Variants in ITPR3 observed in about 807,000 individuals in gnomAD.
The protein encoded by ITPR3 is inositol 1,4,5-trisphosphate receptor type 3, also known as inositol 1,4,5-trisphosphate-gated calcium channel ITPR3.
ITPR3 carries 173 observed loss-of-function variants against 293.2 expected under a neutral mutation model. That is an observed-to-expected ratio of 0.59 (90% CI 0.52 to 0.67). The LOEUF is 0.67. ITPR3 is among the 30% of genes least tolerant of loss of function. The probability of loss-of-function intolerance (pLI) is 0.00; values close to 1 mark genes in which losing one functional copy is unlikely to be tolerated. For missense variants in ITPR3, 2,796 were observed against 3,592.1 expected, an observed-to-expected ratio of 0.78 and a Z score of 5.66; for synonymous variants, 1,295 against 1,444.4, an observed-to-expected ratio of 0.90 and a Z score of 2.35.
In ITPR3 at chr6:33,657,995, G is replaced by A. The variant is rs768293062; in HGVS notation, c.346G>A (p.Val116Met). The A allele has an allele frequency of 1.9e-6, 3 of 1,613,660 alleles. No individual in the cohort carries two copies. The highest frequency in any genetic ancestry group is 2.5e-6 in the Non-Finnish European group (3 of 1,179,714). Residue 116 changes from valine (V) to methionine (M), a missense_variant, in exon 4 of 58, where the codon GTG becomes ATG. By Grantham distance (21) the Val-to-Met change is conservative. This residue lies in a region of ITPR3 where 144 missense variants were observed against 230.8 expected (regional missense o/e 0.62). Coordinates refer to ENST00000605930, the MANE Select transcript of ITPR3 (RefSeq NM_002224.4). ...TENKKVHGDV[V>M]KYGSVIQLLH... The stretch of plus-strand genomic sequence containing the variant: ...GAACAAGAAGGTGCATGGGGATGTC[G>A]TGAAGTATGGCAGTGTGATCCAGGT...
chr6:33,655,660 G>C lies in ITPR3; in HGVS notation c.161-106G>C. The C allele has an allele frequency of 6.9e-7, 1 of 1,448,904 alleles. No homozygotes were observed. Among genetic ancestry groups the C allele is most frequent in the Non-Finnish European group, 9.4e-7 (1 of 1,058,278 alleles). 89.8% of individuals were successfully genotyped at this position (1,448,904 alleles called of 1,614,324 possible). Reference sequence around the variant, plus strand: ...TCTCTACCTGCAGCGGGGAACGGGGGTGGGGAAGGGTTGGGAGAGAAGAGC... The same window carrying C: ...TCTCTACCTGCAGCGGGGAACGGGGCTGGGGAAGGGTTGGGAGAGAAGAGC... On this transcript the variant is annotated intron_variant, in intron 2 of 57. Coordinates refer to ENST00000605930, the MANE Select transcript of ITPR3 (RefSeq NM_002224.4). The surrounding 1 kb of genome is among the most constrained non-coding windows in gnomAD (Gnocchi z 4.9).
rs764524110 is a variant in ITPR3, at chr6:33,659,089, C to T, written c.597C>T (p.Tyr199=). 3.7e-6 allele frequency: 6 copies of T among 1,613,958 alleles called. No homozygotes were observed. In the African/African-American group the frequency reaches 4.0e-5, roughly 11 times the overall value. ...GGCAGCCTCTGCATGCCAGCAATTA[C>T]GAGCTCAGCGACAACGCCGGCTGCA... ...NAGQPLHASN[Y]ELSDNAGCKE... The change falls in exon 6 of 58, where the codon TAC becomes TAT. Residue 199 remains tyrosine, a synonymous_variant. Coordinates refer to ENST00000605930, the MANE Select transcript of ITPR3 (RefSeq NM_002224.4).
At position 33,691,378 on chromosome 6, in the gene ITPR3, C is replaced by A. The variant is rs1411952916; in HGVS notation, c.7226-237C>A. On this transcript the variant is annotated intron_variant, in intron 52 of 57. Coordinates refer to ENST00000605930, the MANE Select transcript of ITPR3 (RefSeq NM_002224.4). The surrounding 1 kb of genome is among the most constrained non-coding windows in gnomAD (Gnocchi z 4.9). ...CTTGAACTGTCATTCATGTTAAACC[C>A]AGTATTTGCAGAAACTGCCCGTGTG... Among the ~76,000 whole-genome samples, 1 of 152,182 alleles carries A rather than the reference C, an allele frequency of 6.6e-6. No homozygotes were observed. The highest frequency in any genetic ancestry group is 1.5e-5 in the Non-Finnish European group (1 of 68,028).
Position 33,671,322 on chromosome 6 carries a change from G to C in ITPR3, c.2728+16G>C. 2 of 1,596,368 alleles carry C rather than the reference G, an allele frequency of 1.3e-6. No homozygotes were observed. The highest frequency in any genetic ancestry group is 2.2e-5 in the South Asian group (2 of 90,080). ...GACCCCGGTGGTGAGGCCTTTGCCC[G>C]GCTCGGGCCACCCTGGTGGTCCTCA... On this transcript the variant is annotated intron_variant, in intron 21 of 57. Transcript: ENST00000605930.
Position 33,662,582 on chromosome 6 carries a change from G to A in ITPR3, c.766G>A (p.Glu256Lys), listed in dbSNP as rs755288104. Reference protein sequence around the residue: ...AEQEKFLTCDEYKGKLQVFLR... With the variant: ...AEQEKFLTCDKYKGKLQVFLR... ...GCAGGAGAAGTTCCTGACGTGTGAC[G>A]AGTACAAGGGCAAGCTGCAGGTGTT... The change falls in exon 8 of 58, where the codon GAG becomes AAG. Residue 256 changes from glutamate (E) to lysine (K), a missense_variant. Physicochemically the swap from Glu to Lys is moderately conservative, Grantham distance 56 (BLOSUM62 1). Around this residue, in one of 8 missense-constraint regions of ITPR3, gnomAD observed 955 missense variants for 1,180.8 expected, o/e 0.81. Coordinates refer to ENST00000605930, the MANE Select transcript of ITPR3 (RefSeq NM_002224.4). 4 of 1,611,856 alleles carry A rather than the reference G, an allele frequency of 2.5e-6. No individual in the cohort carries two copies. The highest frequency in any genetic ancestry group is 1.1e-5 in the South Asian group (1 of 90,866).
In ITPR3 at chr6:33,689,471, G is replaced by A. The variant is rs1301890450; in HGVS notation, c.6867+61G>A. The A allele has an allele frequency of 3.2e-6, 5 of 1,565,494 alleles. No individual in the cohort carries two copies. The Admixed American group carries it at 6.8e-5, about 21-fold the overall frequency. On this transcript the variant is annotated intron_variant, in intron 50 of 57. Coordinates refer to ENST00000605930, the MANE Select transcript of ITPR3 (RefSeq NM_002224.4). ...CTCATGCTCACTGTGCATTCAGACG[G>A]CAAGCTGGCCTGCTGCTTCCAGGAG...
In ITPR3 at chr6:33,684,752, C is replaced by T. The variant is rs768413600; in HGVS notation, c.5138-22C>T. 3 of 1,609,872 alleles carry T rather than the reference C, an allele frequency of 1.9e-6. No individual in the cohort carries two copies. The highest frequency in any genetic ancestry group is 1.3e-5 in the African/African-American group (1 of 74,918). On this transcript the variant is annotated intron_variant, in intron 38 of 57. Coordinates refer to ENST00000605930, the MANE Select transcript of ITPR3 (RefSeq NM_002224.4). The surrounding 1 kb of genome is among the most constrained non-coding windows in gnomAD (Gnocchi z 4.2). ...CACTCTCCTGTCACACCAGCTCTCC[C>T]TCAACCGAGTCCCGCCTCCAGGCCT...
Position 33,692,371 on chromosome 6 carries a change from G to A in ITPR3, c.7459-357G>A, listed in dbSNP as rs112278667. Reference sequence around the variant, plus strand: ...TGGAATGTGTGAGGCCAGGCGTCCTGAGGGTGGGCAGAGGTGTTCAGAGCT... The same window carrying A: ...TGGAATGTGTGAGGCCAGGCGTCCTAAGGGTGGGCAGAGGTGTTCAGAGCT... On this transcript the variant is annotated intron_variant, in intron 54 of 57. Transcript: ENST00000605930. This position sits in a 1 kb window ranked among gnomAD's most constrained non-coding sequence, Gnocchi z 4.2. Among the ~76,000 whole-genome samples, 2 of 152,290 alleles carry A rather than the reference G, an allele frequency of 1.3e-5. No individual in the cohort carries two copies. Among genetic ancestry groups the A allele is most frequent in the African/African-American group, 4.8e-5 (2 of 41,570 alleles).
chr6:33,679,579 G>A lies in ITPR3; in HGVS notation c.3973-303G>A, dbSNP rs1249735600. On this transcript the variant is annotated intron_variant, in intron 30 of 57. Coordinates refer to ENST00000605930, the MANE Select transcript of ITPR3 (RefSeq NM_002224.4). The surrounding 1 kb of genome is among the most constrained non-coding windows in gnomAD (Gnocchi z 4.2). ...TGCTGCGGGAGCACAGGGGAGGGAG[G>A]GGGTGAGCAAGGCGGGATTAGCGAG... is the stretch of plus-strand genomic sequence containing the variant. 1.3e-5 allele frequency among the ~76,000 whole-genome samples: 2 copies of A among 152,154 alleles called. No homozygotes were observed. Among genetic ancestry groups the A allele is most frequent in the African/African-American group, 4.8e-5 (2 of 41,418 alleles).
At chr6:33,665,725 G>A (rs1764592365) in intron 13 of ITPR3, 110 bp from the exon 14 acceptor site, 1 of 1,209,350 alleles carries the variant, frequency 8.3e-7, no homozygotes, top group Non-Finnish European at 1.2e-6. Context: ...TGCTTTGGGG[G>A]CCGCTGAGTG....
rs1203277182 is a variant in ITPR3 at position 33,666,011 on chromosome 6, C to T, written c.1551+35C>T. 1.2e-5 allele frequency: 18 copies of T among 1,553,386 alleles called. No individual in the cohort carries two copies. Among genetic ancestry groups the T allele is most frequent in the Non-Finnish European group, 1.2e-5 (14 of 1,145,502 alleles). On this transcript the variant is annotated intron_variant, in intron 14 of 57. Coordinates refer to ENST00000605930, the MANE Select transcript of ITPR3 (RefSeq NM_002224.4). This position sits in a 1 kb window ranked among gnomAD's most constrained non-coding sequence, Gnocchi z 5.1. Reference sequence around the variant, plus strand: ...CACCCATGAGGGGACGCAGAGGGGCCGGGTGCCCGGGAGAGGGATGCCTTC... The same window carrying T: ...CACCCATGAGGGGACGCAGAGGGGCTGGGTGCCCGGGAGAGGGATGCCTTC...
Position 33,624,142 on chromosome 6 carries a change from C to A in ITPR3, c.89+2451C>A, listed in dbSNP as rs188752159. Among the ~76,000 whole-genome samples the A allele has an allele frequency of 1.3e-3, 194 of 152,342 alleles. No individual in the cohort carries two copies. The highest frequency in any genetic ancestry group is 4.2e-3 in the African/African-American group (174 of 41,580). On this transcript the variant is annotated intron_variant, in intron 1 of 57. Transcript: ENST00000605930. The surrounding 1 kb of genome is among the most constrained non-coding windows in gnomAD (Gnocchi z 4.7). ...TTTTGAGAAATCCAGCTTCCCCAAC[C>A]CCTAGGGCAGAATTAACCCTTCGTC...
Position 33,624,647 on chromosome 6 carries a change from G to A in ITPR3, c.89+2956G>A, listed in dbSNP as rs527606319. ...TTTTCCCGAGGCTGTTGGTGCCCAT[G>A]TCTGTGAACCCATAGGCTGATTTGA... is the stretch of plus-strand genomic sequence containing the variant. On this transcript the variant is annotated intron_variant, in intron 1 of 57. Transcript: ENST00000605930. The surrounding 1 kb of genome is among the most constrained non-coding windows in gnomAD (Gnocchi z 4.7). 8.5e-5 allele frequency among the ~76,000 whole-genome samples: 13 copies of A among 152,374 alleles called. No homozygotes were observed. In the South Asian group the frequency reaches 2.7e-3, roughly 32 times the overall value.
chr6:33,693,348 C>G (rs544810199), intron 55 of ITPR3, among the ~76,000 whole-genome samples, 197 bp from the exon 56 acceptor site: 1 of 152,276 alleles, frequency 6.6e-6, no homozygotes, highest in Non-Finnish European at 1.5e-5. Context: ...AGGGCTGCAG[C>G]TGCGGCAGGG....
At chr6:33,695,548 G>T in intron 57 of ITPR3, 164 bp from the exon 58 acceptor site, 1 of 665,342 alleles carries the variant, frequency 1.5e-6, no homozygotes, top group Non-Finnish European at 2.7e-6. Context: ...GTTTGGTGCT[G>T]ACATCGACAT....
At chr6:33,688,813 C>T (rs773293880) in intron 49 of ITPR3, 32 bp downstream of exon 49, 24 of 1,613,598 alleles carry the variant, frequency 1.5e-5, no homozygotes, top group East Asian at 4.5e-5. Flanking sequence ...GCAGGTTCCC[C>T]GGGCCCTGCC....
At position 33,690,999 on chromosome 6, in the gene ITPR3, C is replaced by T; in HGVS notation, c.7115C>T (p.Thr2372Ile). Residue 2372 changes from threonine to isoleucine, a missense_variant, in exon 52 of 58, where the codon ACA becomes ATA. Coordinates refer to ENST00000605930, the MANE Select transcript of ITPR3 (RefSeq NM_002224.4). The stretch of plus-strand genomic sequence containing the variant: ...CGCAATGGCCGCTCCATCCTGCTGA[C>T]AGCCCTGCTGGCCCTCATCCTGGTC... Reference protein sequence around the residue: ...VTRNGRSILLTALLALILVYL... With the variant: ...VTRNGRSILLIALLALILVYL... The T allele has an allele frequency of 1.2e-6, 2 of 1,614,220 alleles. No individual in the cohort carries two copies. The highest frequency in any genetic ancestry group is 1.7e-6 in the Non-Finnish European group (2 of 1,180,022).
Position 33,691,921 on chromosome 6 carries a change from C to T in ITPR3, c.7451C>T (p.Ser2484Phe). 1 of 1,614,032 alleles carries T rather than the reference C, an allele frequency of 6.2e-7. No homozygotes were observed. Among genetic ancestry groups the T allele is most frequent in the Non-Finnish European group, 8.5e-7 (1 of 1,180,014 alleles). Residue 2484 changes from serine (S) to phenylalanine (F), a missense_variant, in exon 54 of 58, where the codon TCC becomes TTC. Ser to Phe is a radical substitution (Grantham distance 155, BLOSUM62 -2). This residue lies in a region of ITPR3 where 568 missense variants were observed against 796.1 expected (regional missense o/e 0.71). Coordinates refer to ENST00000605930, the MANE Select transcript of ITPR3 (RefSeq NM_002224.4). The surrounding 1 kb of genome is among the most constrained non-coding windows in gnomAD (Gnocchi z 4.9). ...GTGGGCGACATTCTCCGCAAGCCCT[C>T]CAAAGATGTGAGCACTCCTGCCCAC... Reference protein sequence around the residue: ...GGVGDILRKPSKDESLFPARV... With the variant: ...GGVGDILRKPFKDESLFPARV...
rs1013631195 is a variant in ITPR3, at chr6:33,621,943, C to T, written c.89+252C>T. ...GGCGCAGCCTCTACCCTCCCGCGCACGCCTTTGGAGGGGGCGGAGGGACGG... is the reference window on the plus strand; with the variant it reads ...GGCGCAGCCTCTACCCTCCCGCGCATGCCTTTGGAGGGGGCGGAGGGACGG... On this transcript the variant is annotated intron_variant, in intron 1 of 57. Coordinates refer to ENST00000605930, the MANE Select transcript of ITPR3 (RefSeq NM_002224.4). This position sits in a 1 kb window ranked among gnomAD's most constrained non-coding sequence, Gnocchi z 7.7. 6.6e-6 allele frequency among the ~76,000 whole-genome samples: 1 copy of T among 152,176 alleles called. No individual in the cohort carries two copies. The highest frequency in any genetic ancestry group is 1.5e-5 in the Non-Finnish European group (1 of 68,028).
Sources: allele counts gnomAD v4.1 joint callset (sites outside exome capture counted in the v4.1 genomes callset), GRCh38; gene constraint gnomAD v4.1.1; regional missense constraint gnomAD v4.1.1; non-coding constraint Gnocchi (gnomAD v3.1); transcripts MANE v1.5; gene names NCBI Gene and HGNC (gene_info 2026-07-23, HGNC 2026-07-21).